Variants in KSR2 observed in about 807,000 individuals in gnomAD.
The protein encoded by KSR2 is kinase suppressor of ras 2.
Under a neutral mutation model 107.8 loss-of-function variants are expected in KSR2, and 25 were observed. That is an observed-to-expected ratio of 0.23 (90% confidence interval 0.17 to 0.32). The LOEUF (loss-of-function observed/expected upper bound fraction) is 0.32, where lower values mean the gene tolerates loss of function less well. Among genes scored for constraint, KSR2 ranks in the 10% least tolerant of loss-of-function variants. KSR2 has a pLI of 1.00. For synonymous variants in KSR2, 480 were observed against 507.0 expected (o/e 0.95, Z 0.71); for missense variants, 887 against 1,268.9 (o/e 0.70, Z 4.57).
chr12:117,658,044 GATA>G (rs1301809883), intron 5 of KSR2, among the ~76,000 whole-genome samples: 2 of 152,246 alleles, frequency 1.3e-5, no homozygotes, highest in Non-Finnish European at 2.9e-5. Flanking sequence ...AGATGGAAGT[GATA>G]ATAATGAGCG....
At chr12:117,662,355 A>T (rs533280001) in intron 5 of KSR2, among the ~76,000 whole-genome samples, 1 of 151,536 alleles carries the variant, frequency 6.6e-6, no homozygotes, top group African/African-American at 2.4e-5. Flanking sequence ...TTATATAATC[A>T]CCCCCATCCT....
At position 117,647,908 on chromosome 12, in the gene KSR2, C is replaced by A. The variant is rs550070332; in HGVS notation, c.1171+19566G>T. On this transcript the variant is annotated intron_variant, in intron 5 of 19. Coordinates refer to ENST00000339824, the MANE Select transcript of KSR2 (RefSeq NM_173598.6). ...TTTTTTGTAGATATGGGGGTCTCAG[C>A]ACATTGCCCAGGCTGTTCTCAAATA... Among the ~76,000 whole-genome samples the A allele has an allele frequency of 1.2e-3, 176 of 152,154 alleles. 1 individual carries two copies. Among genetic ancestry groups the A allele is most frequent in the African/African-American group, 4.0e-3 (165 of 41,516 alleles).
intron 2 of KSR2, among the ~76,000 whole-genome samples, chr12:117,859,450 G>T (rs28526680): frequency 0.016 from 2,188 of 138,532 alleles, 59 homozygotes; most frequent in African/African-American, 0.058. Context: ...TTCGTTTTTT[G>T]TTTTTTATTT....
intron 1 of KSR2, among the ~76,000 whole-genome samples, chr12:117,918,514 C>A (rs536107607): frequency 2.0e-5 from 3 of 152,144 alleles, no homozygotes; most frequent in Admixed American, 6.5e-5. Flanking sequence ...CTTGGCCAGG[C>A]GCGGTGGCTC....
chr12:117,765,659 A>G (rs1226467997), intron 3 of KSR2, among the ~76,000 whole-genome samples: 2 of 152,226 alleles, frequency 1.3e-5, no homozygotes, highest in Non-Finnish European at 2.9e-5. Flanking sequence ...AAACAAATGA[A>G]ACAAGTAGAT....
At chr12:117,641,250 C>A (rs1883341149) in intron 5 of KSR2, among the ~76,000 whole-genome samples, 1 of 152,192 alleles carries the variant, frequency 6.6e-6, no homozygotes, top group South Asian at 2.1e-4. Flanking sequence ...GCGTGTGCCA[C>A]CACGCCCAGC....
intron 1 of KSR2, among the ~76,000 whole-genome samples, chr12:117,895,077 A>T (rs935365235): frequency 1.3e-5 from 2 of 151,838 alleles, no homozygotes; most frequent in African/African-American, 2.4e-5. Flanking sequence ...AAAAAATTAA[A>T]AAAATTAGCC....
chr12:117,762,760 A>G (rs180941159), intron 3 of KSR2, among the ~76,000 whole-genome samples: 1,645 of 152,138 alleles, frequency 0.011, 41 homozygotes, highest in African/African-American at 0.038. Flanking sequence ...CCAGCTACTC[A>G]GAAGGCTGAG....
chr12:117,853,994 A>G (rs1893011258), intron 3 of KSR2, among the ~76,000 whole-genome samples: 1 of 152,006 alleles, frequency 6.6e-6, no homozygotes, highest in South Asian at 2.1e-4. Context: ...CCCCCAGTGC[A>G]TGGTCTGCCC....
chr12:117,733,967 C>T (rs1887833092), intron 4 of KSR2, among the ~76,000 whole-genome samples: 1 of 152,012 alleles, frequency 6.6e-6, no homozygotes, highest in African/African-American at 2.4e-5. Flanking sequence ...GTTCAACTAA[C>T]TCAGGCTATT....
At chr12:117,731,797 G>A (rs555841105) in intron 4 of KSR2, among the ~76,000 whole-genome samples, 8 of 151,042 alleles carry the variant, frequency 5.3e-5, no homozygotes, top group Admixed American at 1.3e-4. Flanking sequence ...GATTAAGGGC[G>A]GTGCAAGATG....
chr12:117,469,532 G>T, intron 19 of KSR2, 130 bp downstream of exon 19: 1 of 1,066,186 alleles, frequency 9.4e-7, no homozygotes, highest in Non-Finnish European at 1.4e-6. Flanking sequence ...GGGAAGAGTG[G>T]TTGCCGAAGG....
intron 9 of KSR2, among the ~76,000 whole-genome samples, chr12:117,543,390 G>T (rs553094041): frequency 1.3e-5 from 2 of 152,158 alleles, no homozygotes; most frequent in Admixed American, 1.3e-4. Flanking sequence ...ACATCTTTTC[G>T]TGTGCTTACT....
rs1181711124 is a variant in KSR2, at chr12:117,582,345, G to A, written c.1186C>T (p.Pro396Ser). Residue 396 changes from proline to serine, a missense_variant, in exon 6 of 20, where the codon CCA becomes TCA. By Grantham distance (74) the Pro-to-Ser change is moderately conservative. Around this residue, in one of 8 missense-constraint regions of KSR2, gnomAD observed 399 missense variants for 479.5 expected, o/e 0.83. Coordinates refer to ENST00000339824, the MANE Select transcript of KSR2 (RefSeq NM_173598.6). ...ANFSANTLSV[P>S]RWSPQIPRRD... ...CGAGGGATCTGCGGGGACCAGCGTG[G>A]CACTGACAGTGTGTCTACAGAGAGA... The A allele has an allele frequency of 6.2e-7, 1 of 1,613,486 alleles. No individual in the cohort carries two copies. Among genetic ancestry groups the A allele is most frequent in the East Asian group, 2.2e-5 (1 of 44,882 alleles).
intron 4 of KSR2, among the ~76,000 whole-genome samples, chr12:117,751,838 G>A (rs1051067556): frequency 1.2e-4 from 18 of 152,136 alleles, no homozygotes; most frequent in South Asian, 4.2e-4. Context: ...GGTGCTGAGC[G>A]TGTCTGAATG....
At chr12:117,880,713 C>CTTTTT (rs545456495) in intron 1 of KSR2, among the ~76,000 whole-genome samples, 1 of 116,728 alleles carries the variant, frequency 8.6e-6, no homozygotes. Context: ...TTGCCAGATT[C>CTTTTT]TTTTTTTTTT....
chr12:117,862,769 G>A (rs71452622), intron 1 of KSR2, among the ~76,000 whole-genome samples: 21,829 of 136,262 alleles, frequency 0.16, 1,817 homozygotes, highest in Middle Eastern at 0.21. Flanking sequence ...TCGCTCTGTC[G>A]CCCAGGCTGG....
At chr12:117,947,204 GA>G (rs57564580) in intron 1 of KSR2, among the ~76,000 whole-genome samples, 21,979 of 55,888 alleles carry the variant, frequency 0.39, 2,644 homozygotes, top group African/African-American at 0.46. Context: ...AGAAAAGAAA[GA>G]AAAGAAAGAA....
chr12:117,657,578 A>G (rs1004664689), intron 5 of KSR2, among the ~76,000 whole-genome samples: 22 of 152,206 alleles, frequency 1.4e-4, no homozygotes, highest in African/African-American at 4.8e-4. Flanking sequence ...TTGCTTCCCT[A>G]GTCAGTTAAG....
Sources: gnomAD v4.1 joint callset for allele counts (sites outside exome capture counted in the v4.1 genomes callset) on GRCh38, gnomAD v4.1.1 for gene constraint, gnomAD v4.1.1 regional missense constraint, MANE v1.5 for transcripts, NCBI Gene and HGNC (gene_info 2026-07-23, HGNC 2026-07-21) for gene names.